The following AGBL4 variants were observed in gnomAD, a reference collection of about 807,000 sequenced individuals.
The protein encoded by AGBL4 is AGBL carboxypeptidase 4.
A neutral mutation model predicts 66.4 loss-of-function variants in AGBL4; 58 were observed. The observed-to-expected ratio is 0.87, with a 90% confidence interval of 0.71 to 1.09. The LOEUF (loss-of-function observed/expected upper bound fraction) is 1.09, where lower values mean the gene tolerates loss of function less well. AGBL4 is among the 50% of genes least tolerant of loss of function. The probability of loss-of-function intolerance (pLI) is 0.00; values close to 1 mark genes in which losing one functional copy is unlikely to be tolerated. For synonymous variants in AGBL4, 234 were observed against 222.9 expected (o/e 1.05, Z -0.44); for missense variants, 579 against 631.0 (o/e 0.92, Z 0.88).
intron 2 of AGBL4, among the ~76,000 whole-genome samples, chr1:49,809,727 C>T (rs1260288268): frequency 2.6e-5 from 4 of 152,130 alleles, no homozygotes; most frequent in Non-Finnish European, 5.9e-5. Flanking sequence ...CAGCTTCAAA[C>T]TCCCCATGTG....
At chr1:48,742,579 T>C in intron 6 of AGBL4, 1 of 1,461,034 alleles carries the variant, frequency 6.8e-7, no homozygotes, top group South Asian at 1.5e-5. Flanking sequence ...TTACTCTGAC[T>C]AACAAACACT....
intron 3 of AGBL4, among the ~76,000 whole-genome samples, chr1:49,547,917 G>A (rs1311288695): frequency 6.6e-6 from 1 of 152,016 alleles, no homozygotes; most frequent in Non-Finnish European, 1.5e-5. Flanking sequence ...GGGATTACAG[G>A]CGTGCACCAC....
chr1:49,817,267 C>T (rs1645255144), intron 2 of AGBL4, among the ~76,000 whole-genome samples: 1 of 152,032 alleles, frequency 6.6e-6, no homozygotes, highest in Non-Finnish European at 1.5e-5. Flanking sequence ...AGAAAGTTGG[C>T]CTGAAGGGCA....
In AGBL4 at chr1:48,984,166, A is replaced by G. The variant is rs1659987908; in HGVS notation, c.594+61418T>C. Among the ~76,000 whole-genome samples, 2 of 152,004 alleles carry G rather than the reference A, an allele frequency of 1.3e-5. 1 individual carries two copies. The highest frequency in any genetic ancestry group is 2.9e-5 in the Non-Finnish European group (2 of 67,986). ...AAGAAAAAGCTCAGGGAAAGTTGCTACAATCATGACAGGCAGTAGAGGATT... is the reference window on the plus strand; with the variant it reads ...AAGAAAAAGCTCAGGGAAAGTTGCTGCAATCATGACAGGCAGTAGAGGATT... On this transcript the variant is annotated intron_variant, in intron 5 of 13. Transcript: ENST00000371839.
chr1:49,564,210 A>G (rs1345376918), intron 3 of AGBL4, among the ~76,000 whole-genome samples: 1 of 151,814 alleles, frequency 6.6e-6, no homozygotes, highest in Non-Finnish European at 1.5e-5. Flanking sequence ...TTTCTTTATT[A>G]GTCTTGCTAG....
In AGBL4 at chr1:49,773,117, G is replaced by T. The variant is rs1345158159; in HGVS notation, c.158-75680C>A. Among the ~76,000 whole-genome samples, 3 of 152,124 alleles carry T rather than the reference G, an allele frequency of 2.0e-5. 1 individual carries two copies. The highest frequency in any genetic ancestry group is 1.9e-4 in the East Asian group (1 of 5,176). The stretch of plus-strand genomic sequence containing the variant: ...TTTCTTCTGTTTCGGCTAGTACATT[G>T]TTGACGGTCTCCATTGTATTTTTTA... On this transcript the variant is annotated intron_variant, in intron 2 of 13. Transcript: ENST00000371839.
intron 1 of AGBL4, among the ~76,000 whole-genome samples, chr1:49,925,466 G>C (rs1011139669): frequency 6.6e-6 from 1 of 152,166 alleles, no homozygotes; most frequent in African/African-American, 2.4e-5. Context: ...CATGGCTACA[G>C]GGAGTGGTCC....
intron 2 of AGBL4, chr1:49,844,725 T>G: frequency 6.2e-7 from 1 of 1,606,410 alleles, no homozygotes; most frequent in East Asian, 2.2e-5. Context: ...AACTGTCAGT[T>G]CTAAAGCAAC....
intron 1 of AGBL4, among the ~76,000 whole-genome samples, chr1:49,862,669 G>C (rs1646603026): frequency 6.6e-6 from 1 of 152,126 alleles, no homozygotes. Context: ...AATAAATACA[G>C]TGGAGCTTCA....
intron 3 of AGBL4, among the ~76,000 whole-genome samples, chr1:49,332,544 G>A (rs917430318): frequency 6.6e-6 from 1 of 152,148 alleles, no homozygotes; most frequent in Admixed American, 6.5e-5. Context: ...TCCCACTCCT[G>A]TATATTGTTG....
At position 49,181,189 on chromosome 1, in the gene AGBL4, C is replaced by T. The variant is rs146785268; in HGVS notation, c.377+64581G>A. Among the ~76,000 whole-genome samples the T allele has an allele frequency of 1.9e-3, 280 of 150,902 alleles. 2 individuals carry two copies. Among genetic ancestry groups the T allele is most frequent in the African/African-American group, 6.5e-3 (265 of 41,036 alleles). ...TTTCTGCTCCTGTAAGGCCACGATCCACACCACCTCCACATGTGCCCAATT... is the reference window on the plus strand; with the variant it reads ...TTTCTGCTCCTGTAAGGCCACGATCTACACCACCTCCACATGTGCCCAATT... On this transcript the variant is annotated intron_variant, in intron 4 of 13. Transcript: ENST00000371839.
At chr1:49,973,277 A>C (rs1658286002) in intron 1 of AGBL4, among the ~76,000 whole-genome samples, 1 of 152,206 alleles carries the variant, frequency 6.6e-6, no homozygotes, top group African/African-American at 2.4e-5. Flanking sequence ...CAGGTCAGCT[A>C]ATAAACTGAT....
At chr1:49,550,294 T>TAG (rs1652849258) in intron 3 of AGBL4, among the ~76,000 whole-genome samples, 1 of 152,230 alleles carries the variant, frequency 6.6e-6, no homozygotes, top group South Asian at 2.1e-4. Flanking sequence ...AGTATTGAGA[T>TAG]ATGAGGTACC....
intron 6 of AGBL4, among the ~76,000 whole-genome samples, chr1:48,834,568 C>T (rs1044848687): frequency 3.9e-4 from 59 of 152,010 alleles, no homozygotes; most frequent in Admixed American, 1.3e-4. Flanking sequence ...GAAAGGGAGA[C>T]CAGAAATCTT....
chr1:49,777,869 C>T (rs11584742), intron 2 of AGBL4, among the ~76,000 whole-genome samples: 60,872 of 151,958 alleles, frequency 0.4, 15,528 homozygotes, highest in Non-Finnish European at 0.57. Flanking sequence ...TATAATTTCT[C>T]CTAAGGCATA....
chr1:49,121,619 C>T (rs1458968828), intron 4 of AGBL4, among the ~76,000 whole-genome samples: 6 of 152,152 alleles, frequency 3.9e-5, no homozygotes, highest in African/African-American at 9.7e-5. Flanking sequence ...AGGTGTCTGT[C>T]GGCCCCTACT....
chr1:48,687,925 T>A (rs888584343), intron 6 of AGBL4, among the ~76,000 whole-genome samples: 2 of 152,240 alleles, frequency 1.3e-5, no homozygotes, highest in Non-Finnish European at 2.9e-5. Flanking sequence ...CAGCTGCTCC[T>A]CCTCCAGCTA....
intron 5 of AGBL4, among the ~76,000 whole-genome samples, chr1:48,913,476 T>C (rs1331362222): frequency 1.3e-5 from 2 of 152,142 alleles, no homozygotes; most frequent in Non-Finnish European, 2.9e-5. Context: ...CATTACCATC[T>C]GATCTCCACC....
At chr1:49,248,835 C>T (rs958833517) in intron 3 of AGBL4, among the ~76,000 whole-genome samples, 1 of 152,110 alleles carries the variant, frequency 6.6e-6, no homozygotes, top group Non-Finnish European at 1.5e-5. Context: ...GTCTTTCCTT[C>T]TTTCTTTTTA....
Sources: gnomAD v4.1 joint callset for allele counts (sites outside exome capture counted in the v4.1 genomes callset) on GRCh38, gnomAD v4.1.1 for gene constraint, MANE v1.5 for transcripts, NCBI Gene and HGNC (gene_info 2026-07-23, HGNC 2026-07-21) for gene names.